PCDH15: variants seen among roughly 807,000 people sequenced by gnomAD.
PCDH15 encodes the protein protocadherin related 15, also known as protocadherin-15.
PCDH15 carries 129 observed loss-of-function variants against 178.5 expected under a neutral mutation model. That is an observed-to-expected ratio of 0.72 (90% CI 0.63 to 0.84). PCDH15 has a LOEUF of 0.84. Ranked by LOEUF, PCDH15 falls within the 40% of genes least tolerant of loss-of-function variation. The pLI is 0.00. For synonymous variants in PCDH15, 800 were observed against 732.0 expected (o/e 1.09, Z -1.50); for missense variants, 2,230 against 2,099.9 (o/e 1.06, Z -1.21).
chr10:54,379,168 G>A (rs1948862986), intron 3 of PCDH15, among the ~76,000 whole-genome samples: 1 of 152,010 alleles, frequency 6.6e-6, no homozygotes, highest in African/African-American at 2.4e-5. Context: ...TACAGACATG[G>A]TGAGTTCCAT....
chr10:53,929,093 T>C (rs2084819662), intron 25 of PCDH15, among the ~76,000 whole-genome samples: 3 of 152,188 alleles, frequency 2.0e-5, no homozygotes, highest in East Asian at 3.9e-4. Context: ...ATTTTTCTAT[T>C]TTGAAAAGTC....
At chr10:55,346,239 A>G (rs1468819552) in intron 2 of PCDH15, among the ~76,000 whole-genome samples, 1 of 152,168 alleles carries the variant, frequency 6.6e-6, no homozygotes, top group African/African-American at 2.4e-5. Flanking sequence ...AGTATCAAAG[A>G]AAAATGAACA....
chr10:53,930,457 CAAAAAAAAAAAAAAAA>C (rs60673116), intron 25 of PCDH15, among the ~76,000 whole-genome samples: 8 of 50,332 alleles, frequency 1.6e-4, no homozygotes, highest in African/African-American at 6.5e-4. Context: ...GACTCCCTCT[CAAAAAAAAAAAAAAAA>C]AAAAAAAAAA....
At chr10:54,205,508 T>C (rs1482143562) in intron 10 of PCDH15, among the ~76,000 whole-genome samples, 1 of 151,530 alleles carries the variant, frequency 6.6e-6, no homozygotes, top group East Asian at 1.9e-4. Flanking sequence ...TGTGTGTGTG[T>C]GTGTGTGTAA....
intron 1 of PCDH15, among the ~76,000 whole-genome samples, chr10:54,711,339 T>C (rs1007677833): frequency 1.3e-5 from 2 of 151,998 alleles, no homozygotes; most frequent in African/African-American, 4.8e-5. Flanking sequence ...ATGCTGATAA[T>C]GTGACTAGGT....
chr10:54,331,760 T>C (rs1041423086), intron 6 of PCDH15, among the ~76,000 whole-genome samples: 5 of 152,162 alleles, frequency 3.3e-5, no homozygotes, highest in South Asian at 4.1e-4. Flanking sequence ...ACCACATCTC[T>C]GGACTCAGAA....
At chr10:54,914,627 T>C (rs1954871582) in intron 2 of PCDH15, among the ~76,000 whole-genome samples, 1 of 152,170 alleles carries the variant, frequency 6.6e-6, no homozygotes, top group African/African-American at 2.4e-5. Context: ...CACTAAGCAA[T>C]GTATTAAACC....
At chr10:54,259,185 T>A (rs1425612034) in intron 8 of PCDH15, among the ~76,000 whole-genome samples, 1 of 152,196 alleles carries the variant, frequency 6.6e-6, no homozygotes, top group Non-Finnish European at 1.5e-5. Context: ...TGCATGGCAT[T>A]TAACAGGCCT....
intron 2 of PCDH15, among the ~76,000 whole-genome samples, chr10:54,937,572 G>A (rs1837939492): frequency 6.6e-6 from 1 of 151,546 alleles, no homozygotes; most frequent in Non-Finnish European, 1.5e-5. Flanking sequence ...GTTTTTTGGG[G>A]TGTTATTGTA....
intron 2 of PCDH15, among the ~76,000 whole-genome samples, chr10:55,035,427 T>G (rs889607742): frequency 5.3e-5 from 8 of 152,112 alleles, no homozygotes; most frequent in African/African-American, 1.9e-4. Flanking sequence ...TACTTGTGAA[T>G]TTTTACTAAC....
chr10:54,552,502 C>T (rs914127057), intron 2 of PCDH15, among the ~76,000 whole-genome samples: 7 of 152,302 alleles, frequency 4.6e-5, no homozygotes, highest in Admixed American at 3.9e-4. Flanking sequence ...ATTAAGAATA[C>T]AGCCGCTAAT....
At chr10:54,261,875 A>C (rs2057341320) in intron 8 of PCDH15, among the ~76,000 whole-genome samples, 1 of 152,168 alleles carries the variant, frequency 6.6e-6, no homozygotes, top group Admixed American at 6.5e-5. Flanking sequence ...GTAAACCGTC[A>C]CATTTTAAAC....
chr10:54,081,359 A>G (rs574318190), intron 16 of PCDH15, among the ~76,000 whole-genome samples: 1 of 152,014 alleles, frequency 6.6e-6, no homozygotes, highest in East Asian at 1.9e-4. Flanking sequence ...ATAATACTAT[A>G]TGTATTATTC....
intron 2 of PCDH15, among the ~76,000 whole-genome samples, chr10:54,982,558 C>T (rs536328673): frequency 6.6e-6 from 1 of 152,082 alleles, no homozygotes; most frequent in Non-Finnish European, 1.5e-5. Context: ...GATTAAAATT[C>T]AGGTTCACCT....
At chr10:54,666,164 G>T (rs1182696008) in intron 1 of PCDH15, among the ~76,000 whole-genome samples, 1 of 33,348 alleles carries the variant, frequency 3.0e-5, no homozygotes, top group Non-Finnish European at 1.0e-4. Context: ...AGCTTAATAT[G>T]AGTACCCCCT....
intron 15 of PCDH15, among the ~76,000 whole-genome samples, chr10:54,113,323 A>G (rs1315734112): frequency 6.6e-6 from 1 of 152,224 alleles, no homozygotes; most frequent in African/African-American, 2.4e-5. Context: ...CAGATAAACA[A>G]TAACTAATTC....
chr10:54,878,776 G>A (rs181703331), intron 3 of PCDH15, among the ~76,000 whole-genome samples: 13 of 152,064 alleles, frequency 8.5e-5, no homozygotes, highest in African/African-American at 3.1e-4. Flanking sequence ...CATCACCCAG[G>A]TATTAAGCCC....
At chr10:54,095,000 T>G (rs2094674072) in intron 15 of PCDH15, among the ~76,000 whole-genome samples, 1 of 152,188 alleles carries the variant, frequency 6.6e-6, no homozygotes, top group South Asian at 2.1e-4. Context: ...ATGTTAAAGA[T>G]GAATACAGCC....
intron 2 of PCDH15, chr10:54,528,283 TAG>T (rs2083556183): frequency 9.0e-7 from 1 of 1,110,466 alleles, no homozygotes; most frequent in African/African-American, 1.6e-5. Flanking sequence ...AGGGTCTAAT[TAG>T]AGAGAGTGAA....
Sources: gnomAD v4.1 joint callset for allele counts (sites outside exome capture counted in the v4.1 genomes callset) on GRCh38, gnomAD v4.1.1 for gene constraint, MANE v1.5 for transcripts, NCBI Gene and HGNC (gene_info 2026-07-23, HGNC 2026-07-21) for gene names.